PKP4: variants seen among roughly 807,000 people sequenced by gnomAD.
PKP4 encodes the protein plakophilin-4.
Under a neutral mutation model 145.1 loss-of-function variants are expected in PKP4, and 90 were observed. The ratio of observed to expected loss-of-function variants is 0.62; its 90% CI spans 0.52 to 0.74. The LOEUF is 0.74. Ranked by LOEUF, PKP4 falls within the 30% of genes least tolerant of loss-of-function variation. The pLI, the probability that PKP4 is intolerant of heterozygous loss-of-function variation, is 0.00. For missense variants in PKP4, 1,340 were observed against 1,482.7 expected (o/e 0.90, Z 1.58); for synonymous variants, 563 against 577.2 (o/e 0.98, Z 0.35).
chr2:158,582,991 T>C (rs2048460440), intron 3 of PKP4, among the ~76,000 whole-genome samples: 1 of 152,146 alleles, frequency 6.6e-6, no homozygotes, highest in African/African-American at 2.4e-5. Context: ...TGCTTGTCAT[T>C]GTGCAGGTGC....
intron 1 of PKP4, among the ~76,000 whole-genome samples, chr2:158,523,984 A>G (rs1246093686): frequency 1.4e-5 from 1 of 69,782 alleles, no homozygotes; most frequent in Non-Finnish European, 2.7e-5. Flanking sequence ...GGACTATGTG[A>G]AAAGACCATA....
chr2:158,605,449 A>T (rs1034487010), intron 4 of PKP4, among the ~76,000 whole-genome samples: 11 of 152,186 alleles, frequency 7.2e-5, no homozygotes, highest in African/African-American at 2.7e-4. Flanking sequence ...ACTATTTTTG[A>T]TTCATAACTT....
intron 1 of PKP4, among the ~76,000 whole-genome samples, chr2:158,496,495 C>T (rs2105480128): frequency 6.6e-6 from 1 of 152,234 alleles, no homozygotes; most frequent in East Asian, 1.9e-4. Flanking sequence ...TGTAAACATT[C>T]TTTTTCCTCA....
intron 1 of PKP4, among the ~76,000 whole-genome samples, chr2:158,483,956 T>C (rs1457962817): frequency 6.6e-6 from 1 of 152,136 alleles, no homozygotes; most frequent in Non-Finnish European, 1.5e-5. Context: ...GCCTGACTAA[T>C]GAATTTCTTT....
rs147944435 is a variant in PKP4 at position 158,621,160 on chromosome 2, A to G, written c.412+39A>G. 1,348 of 1,613,712 alleles carry G rather than the reference A, an allele frequency of 8.4e-4. 15 individuals carry two copies. In the African/African-American group the frequency reaches 0.016, roughly 19 times the overall value. ...TCTTTTAAGTACTGGATTTGCTTTT[A>G]AGATTTTATTCTTGAAAGCGAGTGT... On this transcript the variant is annotated intron_variant, in intron 5 of 21. Transcript: ENST00000389759.
chr2:158,536,304 G>T (rs1011069462), intron 2 of PKP4, among the ~76,000 whole-genome samples: 1 of 152,142 alleles, frequency 6.6e-6, no homozygotes, highest in African/African-American at 2.4e-5. Context: ...ATGAGAAAGA[G>T]CATATAAAAA....
At chr2:158,679,459 A>G (rs998667434) in intron 21 of PKP4, 15 of 152,228 alleles carry the variant, frequency 9.9e-5, no homozygotes, top group Non-Finnish European at 2.2e-4. Flanking sequence ...GTCAGGAAAA[A>G]TAGACCAGAA....
chr2:158,508,382 AAAAAAAG>A (rs66828005), intron 1 of PKP4, among the ~76,000 whole-genome samples: 50,358 of 113,824 alleles, frequency 0.44, 10,167 homozygotes, highest in East Asian at 0.73. Flanking sequence ...AAAAAAAAAA[AAAAAAAG>A]AAGAAGAAGA....
chr2:158,512,967 A>G (rs537105761), intron 1 of PKP4, among the ~76,000 whole-genome samples: 5 of 152,350 alleles, frequency 3.3e-5, no homozygotes, highest in African/African-American at 9.6e-5. Flanking sequence ...ATGTGTTTGC[A>G]AGAAGAGTTC....
At position 158,661,399 on chromosome 2, in the gene PKP4, A is replaced by G; in HGVS notation, c.2160A>G (p.Ser720=). ...GGTCCTGCGAGGGGCTGGTAGACTCACTGTTGTATGTGATCCACACGTGTG... is the reference window on the plus strand; with the variant it reads ...GGTCCTGCGAGGGGCTGGTAGACTCGCTGTTGTATGTGATCCACACGTGTG... ...QMRSCEGLVD[S]LLYVIHTCVN... The change falls in exon 13 of 22, where the codon TCA becomes TCG. Residue 720 remains serine, a synonymous_variant. Coordinates refer to ENST00000389759, the MANE Select transcript of PKP4 (RefSeq NM_003628.6). 1.1e-5 allele frequency: 17 copies of G among 1,613,870 alleles called. No individual in the cohort carries two copies. The highest frequency in any genetic ancestry group is 1.4e-5 in the Non-Finnish European group (17 of 1,179,826).
At chr2:158,503,142 C>T (rs184217860) in intron 1 of PKP4, among the ~76,000 whole-genome samples, 14 of 152,334 alleles carry the variant, frequency 9.2e-5, no homozygotes, top group African/African-American at 3.4e-4. Flanking sequence ...TTGGAAGCAA[C>T]ATTTGTCAGA....
intron 1 of PKP4, among the ~76,000 whole-genome samples, chr2:158,494,296 A>G (rs1213854755): frequency 2.0e-5 from 3 of 152,136 alleles, no homozygotes; most frequent in Non-Finnish European, 4.4e-5. Flanking sequence ...AAAACAAGAA[A>G]CAGCCCTAAA....
At chr2:158,497,684 C>T (rs997907784) in intron 1 of PKP4, among the ~76,000 whole-genome samples, 4 of 152,016 alleles carry the variant, frequency 2.6e-5, no homozygotes, top group African/African-American at 7.3e-5. Flanking sequence ...TGTGAAACAG[C>T]GATAATGTGT....
intron 1 of PKP4, among the ~76,000 whole-genome samples, chr2:158,504,307 C>T (rs1386199472): frequency 6.6e-6 from 1 of 152,186 alleles, no homozygotes; most frequent in African/African-American, 2.4e-5. Context: ...GGGCCTGACA[C>T]ATAGTGGACA....
intron 16 of PKP4, 102 bp from the exon 17 acceptor site, chr2:158,669,618 G>A (rs2106002321): frequency 1.1e-6 from 1 of 896,362 alleles, no homozygotes; most frequent in Non-Finnish European, 1.6e-6. Context: ...TGTCTCTTTG[G>A]GGGTTTTATT....
intron 4 of PKP4, among the ~76,000 whole-genome samples, chr2:158,612,557 C>T (rs894024001): frequency 7.2e-5 from 11 of 151,988 alleles, no homozygotes; most frequent in African/African-American, 2.7e-4. Flanking sequence ...GTCAGTTTGC[C>T]CACCAGAAAG....
At chr2:158,644,338 TGAGA>T (rs1307641620) in intron 11 of PKP4, among the ~76,000 whole-genome samples, 2 of 151,788 alleles carry the variant, frequency 1.3e-5, no homozygotes, top group Non-Finnish European at 2.9e-5. Flanking sequence ...AAGTGCGGAG[TGAGA>T]GAGAGGGAGA....
intron 3 of PKP4, among the ~76,000 whole-genome samples, chr2:158,595,836 GA>G (rs918717314): frequency 5.3e-5 from 8 of 150,924 alleles, no homozygotes; most frequent in African/African-American, 9.7e-5. Context: ...TTGGGGAGGG[GA>G]AAAAAAAATC....
chr2:158,549,890 G>A (rs1175959910), intron 2 of PKP4, among the ~76,000 whole-genome samples: 1 of 152,038 alleles, frequency 6.6e-6, no homozygotes, highest in Non-Finnish European at 1.5e-5. Context: ...AAACATTTAG[G>A]TTGTGAAAAC....
Sources: allele counts gnomAD v4.1 joint callset (sites outside exome capture counted in the v4.1 genomes callset), GRCh38; gene constraint gnomAD v4.1.1; transcripts MANE v1.5; gene names NCBI Gene and HGNC (gene_info 2026-07-23, HGNC 2026-07-21).